STT3B: variants seen among roughly 807,000 people sequenced by gnomAD.
STT3B encodes STT3 oligosaccharyltransferase complex catalytic subunit B.
Under a neutral mutation model 96.8 loss-of-function variants are expected in STT3B, and 29 were observed. The observed-to-expected ratio is 0.30, with a 90% CI of 0.22 to 0.41. STT3B has a LOEUF of 0.41. STT3B is among the 10% of genes least tolerant of loss of function. The pLI, the probability that STT3B is intolerant of heterozygous loss-of-function variation, is 1.00. For synonymous variants in STT3B, 367 were observed against 360.0 expected (o/e 1.02, Z -0.22); for missense variants, 640 against 1,022.3 (o/e 0.63, Z 5.10).
chr3:31,562,242 A>C (rs1002022641), intron 1 of STT3B, among the ~76,000 whole-genome samples: 21 of 152,074 alleles, frequency 1.4e-4, no homozygotes, highest in African/African-American at 4.8e-4. Context: ...ACTCCCTGGA[A>C]CCTAAGTGTC....
chr3:31,605,138 G>A (rs1265682387), intron 5 of STT3B, among the ~76,000 whole-genome samples: 1 of 152,134 alleles, frequency 6.6e-6, no homozygotes, highest in Non-Finnish European at 1.5e-5. Context: ...AAGAGGCTAA[G>A]AGAGGTGATT....
intron 2 of STT3B, among the ~76,000 whole-genome samples, chr3:31,576,904 C>T (rs963820373): frequency 1.1e-4 from 17 of 152,088 alleles, no homozygotes; most frequent in Admixed American, 9.8e-4. Context: ...TAGGATTTTT[C>T]AGGCCCTGAA....
At chr3:31,594,409 A>G (rs1342362356) in intron 3 of STT3B, among the ~76,000 whole-genome samples, 1 of 151,498 alleles carries the variant, frequency 6.6e-6, no homozygotes, top group Non-Finnish European at 1.5e-5. Flanking sequence ...CCCAGCTTAA[A>G]TTAGGGATTC....
At chr3:31,605,385 C>T (rs1699027812) in intron 5 of STT3B, among the ~76,000 whole-genome samples, 1 of 151,800 alleles carries the variant, frequency 6.6e-6, no homozygotes, top group South Asian at 2.1e-4. Context: ...TTGGCTGTGT[C>T]CCCACCCAAA....
intron 1 of STT3B, among the ~76,000 whole-genome samples, chr3:31,542,709 C>T (rs1697309826): frequency 6.6e-6 from 1 of 152,132 alleles, no homozygotes; most frequent in South Asian, 2.1e-4. Flanking sequence ...TTTTTAACGC[C>T]TCTAGTGTAT....
At chr3:31,629,112 A>G (rs970455563) in intron 13 of STT3B, 186 bp from the exon 14 acceptor site, 1 of 501,064 alleles carries the variant, frequency 2.0e-6, no homozygotes, top group Non-Finnish European at 3.5e-6. Flanking sequence ...TCTCAAAAAT[A>G]ATAATTATTA....
At chr3:31,628,639 T>C (rs1483605103) in intron 13 of STT3B, among the ~76,000 whole-genome samples, 1 of 152,106 alleles carries the variant, frequency 6.6e-6, no homozygotes, top group African/African-American at 2.4e-5. Flanking sequence ...CCCATAAAAA[T>C]TACCACAGGA....
intron 1 of STT3B, among the ~76,000 whole-genome samples, chr3:31,540,197 T>G (rs1470669582): frequency 6.6e-6 from 1 of 152,132 alleles, no homozygotes; most frequent in African/African-American, 2.4e-5. Flanking sequence ...AGGCTTAGAT[T>G]TGGAAACAAA....
chr3:31,634,425 T>TAAATGTGA (rs1699721449), intron 15 of STT3B, among the ~76,000 whole-genome samples: 1 of 152,202 alleles, frequency 6.6e-6, no homozygotes, highest in African/African-American at 2.4e-5. Flanking sequence ...TTTCCCCAAA[T>TAAATGTGA]AAATGTGAAT....
intron 3 of STT3B, among the ~76,000 whole-genome samples, chr3:31,590,042 T>G (rs1698632174): frequency 6.6e-6 from 1 of 152,026 alleles, no homozygotes; most frequent in Admixed American, 6.6e-5. Flanking sequence ...ATTATTCAGA[T>G]TTTCTTTTTT....
At chr3:31,602,937 T>C (rs953838542) in intron 5 of STT3B, among the ~76,000 whole-genome samples, 2 of 152,150 alleles carry the variant, frequency 1.3e-5, no homozygotes, top group African/African-American at 4.8e-5. Flanking sequence ...CAAGTGTTGC[T>C]CTTCCTTCAT....
At chr3:31,596,929 C>T in intron 4 of STT3B, 66 bp downstream of exon 4, 1 of 1,147,638 alleles carries the variant, frequency 8.7e-7, no homozygotes, top group Non-Finnish European at 1.3e-6. Context: ...CAGTTCTTTT[C>T]TCCTGAAGTC....
At chr3:31,600,529 T>G in intron 5 of STT3B, 70 bp downstream of exon 5, 1 of 716,924 alleles carries the variant, frequency 1.4e-6, no homozygotes, top group South Asian at 2.1e-5. Context: ...ATTGAAGAGA[T>G]ATTTCTATTT....
intron 1 of STT3B, among the ~76,000 whole-genome samples, chr3:31,552,370 T>TA (rs1697583299): frequency 6.6e-6 from 1 of 152,162 alleles, no homozygotes; most frequent in Admixed American, 6.5e-5. Flanking sequence ...GTGAGGGAGT[T>TA]AGACTTGAAC....
At chr3:31,533,743 C>T (rs1369988364) in intron 1 of STT3B, 2 of 153,752 alleles carry the variant, frequency 1.3e-5, no homozygotes, top group Non-Finnish European at 2.9e-5. Context: ...GCTGCTTTCG[C>T]GTTCTTTCAT....
intron 3 of STT3B, among the ~76,000 whole-genome samples, chr3:31,585,256 T>C (rs1262370862): frequency 2.0e-5 from 3 of 152,104 alleles, no homozygotes; most frequent in Non-Finnish European, 4.4e-5. Context: ...GAGTAAAGTC[T>C]ATAGCATAAT....
chr3:31,549,906 T>G (rs779877971), intron 1 of STT3B, among the ~76,000 whole-genome samples: 13 of 152,206 alleles, frequency 8.5e-5, no homozygotes, highest in Non-Finnish European at 1.6e-4. Flanking sequence ...TCTATTGGGC[T>G]TAGCTGAGCA....
At chr3:31,627,071 C>T (rs550776252) in intron 13 of STT3B, among the ~76,000 whole-genome samples, 1 of 152,274 alleles carries the variant, frequency 6.6e-6, no homozygotes, top group African/African-American at 2.4e-5. Flanking sequence ...TTCTGGTATA[C>T]TCACATCTGT....
intron 1 of STT3B, among the ~76,000 whole-genome samples, chr3:31,574,518 C>T (rs770103684): frequency 2.6e-5 from 4 of 152,072 alleles, no homozygotes; most frequent in Admixed American, 6.6e-5. Context: ...CCATAATCCT[C>T]GCTTTGTAAA....
Sources: gnomAD v4.1 joint callset for allele counts (sites outside exome capture counted in the v4.1 genomes callset) on GRCh38, gnomAD v4.1.1 for gene constraint, MANE v1.5 for transcripts, NCBI Gene and HGNC (gene_info 2026-07-23, HGNC 2026-07-21) for gene names.